The following KCNN2 variants were observed in gnomAD, a reference collection of about 807,000 sequenced individuals.
The protein encoded by KCNN2 is potassium calcium-activated channel subfamily N member 2.
Under a neutral mutation model 55.5 loss-of-function variants are expected in KCNN2, and 24 were observed. The ratio of observed to expected loss-of-function variants is 0.43; its 90% CI spans 0.31 to 0.61. The LOEUF (loss-of-function observed/expected upper bound fraction) is 0.61. Ranked by LOEUF, KCNN2 falls within the 20% of genes least tolerant of loss-of-function variation. The pLI is 0.08. For synonymous variants in KCNN2, 431 were observed against 336.1 expected, an observed-to-expected ratio of 1.28 and a Z score of -3.09; for missense variants, 754 against 853.6, an observed-to-expected ratio of 0.88 and a Z score of 1.45.
intron 3 of KCNN2, among the ~76,000 whole-genome samples, chr5:114,413,137 C>T (rs568648450): frequency 6.6e-6 from 1 of 152,282 alleles, no homozygotes; most frequent in Admixed American, 6.5e-5. Flanking sequence ...GCATCTGTGA[C>T]TTGCAAAACA....
chr5:114,377,738 A>AC (rs1230950271), intron 2 of KCNN2, among the ~76,000 whole-genome samples: 2 of 152,156 alleles, frequency 1.3e-5, no homozygotes. Context: ...CCGTAAGAAG[A>AC]CAGTATTACC....
At chr5:114,147,226 T>G (rs1360729366) in intron 1 of KCNN2, among the ~76,000 whole-genome samples, 1 of 152,164 alleles carries the variant, frequency 6.6e-6, no homozygotes, top group Non-Finnish European at 1.5e-5. Context: ...ATCCAGGAAG[T>G]GTTTCGTAGA....
chr5:114,492,462 A>G (rs1023634929), intron 6 of KCNN2, among the ~76,000 whole-genome samples: 2 of 152,148 alleles, frequency 1.3e-5, no homozygotes, highest in African/African-American at 4.8e-5. Context: ...AAAGCTTTTA[A>G]TTGTTAGCTT....
intron 2 of KCNN2, among the ~76,000 whole-genome samples, chr5:114,300,064 C>G (rs970966306): frequency 1.3e-5 from 2 of 152,076 alleles, no homozygotes; most frequent in Non-Finnish European, 2.9e-5. Context: ...ACTCAGCCCT[C>G]CTACCCTCTT....
chr5:114,207,297 T>C (rs548797378), intron 1 of KCNN2, among the ~76,000 whole-genome samples: 1 of 152,346 alleles, frequency 6.6e-6, no homozygotes, highest in East Asian at 1.9e-4. Context: ...CAGTGCATTT[T>C]TGTTGATGAA....
intron 1 of KCNN2, among the ~76,000 whole-genome samples, chr5:114,150,236 G>A (rs1752493557): frequency 6.6e-6 from 1 of 152,100 alleles, no homozygotes; most frequent in Admixed American, 6.5e-5. Flanking sequence ...CTACATACCT[G>A]ACTTCAAACT....
At chr5:114,286,298 T>A (rs909785144) in intron 2 of KCNN2, among the ~76,000 whole-genome samples, 10 of 152,152 alleles carry the variant, frequency 6.6e-5, no homozygotes, top group Admixed American at 3.9e-4. Flanking sequence ...GGGTTTAGTT[T>A]TGAACATGCC....
At chr5:114,198,972 A>G (rs527904180) in intron 1 of KCNN2, among the ~76,000 whole-genome samples, 2 of 152,002 alleles carry the variant, frequency 1.3e-5, no homozygotes, top group Non-Finnish European at 2.9e-5. Flanking sequence ...TGTAAGTTCA[A>G]TGTTTCTTTG....
At chr5:114,187,506 C>CTTTTT (rs34325633) in intron 1 of KCNN2, among the ~76,000 whole-genome samples, 3 of 126,630 alleles carry the variant, frequency 2.4e-5, no homozygotes, top group African/African-American at 3.0e-5. Context: ...GTATCTCTGG[C>CTTTTT]TTTTTTTTTT....
chr5:114,153,233 G>A (rs1190146074), intron 1 of KCNN2, among the ~76,000 whole-genome samples: 1 of 152,108 alleles, frequency 6.6e-6, no homozygotes, highest in African/African-American at 2.4e-5. Context: ...TGACAGTGAG[G>A]GTGTAGCATT....
chr5:114,393,362 T>G (rs1478894851), intron 2 of KCNN2, among the ~76,000 whole-genome samples: 1 of 152,172 alleles, frequency 6.6e-6, no homozygotes, highest in Non-Finnish European at 1.5e-5. Flanking sequence ...ATATTTTAGA[T>G]GTAAATTGGA....
intron 6 of KCNN2, 147 bp from the exon 7 acceptor site, chr5:114,493,256 C>A: frequency 1.4e-6 from 1 of 717,476 alleles, no homozygotes; most frequent in Middle Eastern, 2.3e-4. Flanking sequence ...TTGTACCAGA[C>A]ACATAACCAG....
At chr5:114,167,663 G>T (rs1290624342) in intron 1 of KCNN2, among the ~76,000 whole-genome samples, 1 of 152,038 alleles carries the variant, frequency 6.6e-6, no homozygotes, top group Non-Finnish European at 1.5e-5. Context: ...AAGTGGACCT[G>T]CCCCATTTCA....
Position 114,254,726 on chromosome 5 carries a change from C to T in KCNN2, c.-185+33161C>T, listed in dbSNP as rs891867708. Among the ~76,000 whole-genome samples the T allele has an allele frequency of 2.0e-5, 3 of 152,058 alleles. No homozygotes were observed. In the East Asian group the frequency reaches 5.8e-4, roughly 29 times the overall value. ...ATATCTGTTCCTTAGAACAGTTTTT[C>T]TCTTTCTTATAAAAATATTGCCTAT... On this transcript the variant is annotated intron_variant, in intron 2 of 10. Coordinates refer to the KCNN2 transcript ENST00000512097.
chr5:114,359,581 T>C (rs947930846), upstream of KCNN2, among the ~76,000 whole-genome samples: 3 of 152,206 alleles, frequency 2.0e-5, no homozygotes, highest in Non-Finnish European at 4.4e-5. Context: ...TTAGTAACTG[T>C]AGAACCTTAT....
At chr5:114,389,940 C>T (rs1244172099) in intron 2 of KCNN2, among the ~76,000 whole-genome samples, 1 of 152,088 alleles carries the variant, frequency 6.6e-6, no homozygotes, top group African/African-American at 2.4e-5. Flanking sequence ...GATGTGAATG[C>T]TGGAAGACCT....
intron 1 of KCNN2, among the ~76,000 whole-genome samples, chr5:114,219,975 C>T (rs1754097931): frequency 6.6e-6 from 1 of 152,064 alleles, no homozygotes. Flanking sequence ...GTCTTTGTTG[C>T]ATATTATTCT....
chr5:114,385,517 GCGCACA>G (rs1227680472), intron 2 of KCNN2, among the ~76,000 whole-genome samples: 95 of 88,974 alleles, frequency 1.1e-3, no homozygotes, highest in Non-Finnish European at 1.5e-3. Flanking sequence ...ACACACATGC[GCGCACA>G]CACACACACA....
At chr5:114,321,100 C>CATAGATAG (rs1330920177) in intron 2 of KCNN2, among the ~76,000 whole-genome samples, 6 of 152,176 alleles carry the variant, frequency 3.9e-5, no homozygotes, top group Admixed American at 3.9e-4. Flanking sequence ...CACGTCTTTG[C>CATAGATAG]ATAGAGAGGT....
Sources: allele counts gnomAD v4.1 joint callset (sites outside exome capture counted in the v4.1 genomes callset), GRCh38; gene constraint gnomAD v4.1.1; transcripts MANE v1.5; gene names NCBI Gene and HGNC (gene_info 2026-07-23, HGNC 2026-07-21).